Variants in CNTN4 observed in about 807,000 individuals in gnomAD.
CNTN4 encodes the protein contactin 4.
Under a neutral mutation model 122.5 loss-of-function variants are expected in CNTN4, and 77 were observed. The observed-to-expected ratio is 0.63, with a 90% CI of 0.52 to 0.76. The LOEUF (loss-of-function observed/expected upper bound fraction) is 0.76, where lower values mean the gene tolerates loss of function less well. Ranked by LOEUF, CNTN4 falls within the 30% of genes least tolerant of loss-of-function variation. CNTN4 has a pLI of 0.00. For synonymous variants in CNTN4, 512 were observed against 447.0 expected (o/e 1.15, Z -1.83); for missense variants, 1,256 against 1,259.1 (o/e 1.00, Z 0.04).
chr3:2,678,739 C>G (rs1187958303), intron 4 of CNTN4, among the ~76,000 whole-genome samples: 5 of 152,058 alleles, frequency 3.3e-5, no homozygotes, highest in African/African-American at 9.7e-5. Flanking sequence ...AATGCCAGGC[C>G]CATGAGATAG....
intron 14 of CNTN4, among the ~76,000 whole-genome samples, chr3:3,022,839 G>A (rs548293878): frequency 6.6e-6 from 1 of 152,266 alleles, no homozygotes; most frequent in South Asian, 2.1e-4. Context: ...CCAACCACAA[G>A]TAGGAAAGTT....
At chr3:2,724,224 T>G (rs1356197898) in intron 4 of CNTN4, among the ~76,000 whole-genome samples, 4 of 152,148 alleles carry the variant, frequency 2.6e-5, no homozygotes, top group African/African-American at 9.7e-5. Flanking sequence ...CTAGTTTCAG[T>G]CAGTGGGTAA....
chr3:2,542,706 C>CT (rs1471677707), intron 3 of CNTN4, among the ~76,000 whole-genome samples: 1 of 152,072 alleles, frequency 6.6e-6, no homozygotes, highest in Non-Finnish European at 1.5e-5. Flanking sequence ...CTTTGTGGTA[C>CT]TTTCTCTTCT....
At chr3:2,189,512 A>G (rs887307792) in intron 2 of CNTN4, among the ~76,000 whole-genome samples, 1 of 152,196 alleles carries the variant, frequency 6.6e-6, no homozygotes. Context: ...TGTCAGATAA[A>G]TGAATCAGTT....
intron 2 of CNTN4, among the ~76,000 whole-genome samples, chr3:2,120,395 ATATATATATATTTTTTTTTT>A (rs2033676944): frequency 3.3e-5 from 1 of 30,656 alleles, no homozygotes. Context: ...ATATATATAT[ATATATATATATTTTTTTTTT>A]TTTTTTTATG....
At position 2,780,334 on chromosome 3, in the gene CNTN4, C is replaced by T. The variant is rs1195036683; in HGVS notation, c.358+34637C>T. Among the ~76,000 whole-genome samples, 4 of 152,114 alleles carry T rather than the reference C, an allele frequency of 2.6e-5. No individual in the cohort carries two copies. In the East Asian group the frequency reaches 7.7e-4, roughly 29 times the overall value. ...TAGGAGATCATGTGTGCCTGTTGGCCTCTGTGGAATGGATTCCTTGCCCTC... is the reference window on the plus strand; with the variant it reads ...TAGGAGATCATGTGTGCCTGTTGGCTTCTGTGGAATGGATTCCTTGCCCTC... On this transcript the variant is annotated intron_variant, in intron 6 of 24. Transcript: ENST00000418658.
chr3:2,523,617 GTTA>G (rs2077299615), intron 3 of CNTN4, among the ~76,000 whole-genome samples: 1 of 151,962 alleles, frequency 6.6e-6, no homozygotes. Flanking sequence ...CTTGAAAAAG[GTTA>G]CCCTCTGTAA....
intron 7 of CNTN4, among the ~76,000 whole-genome samples, chr3:2,827,941 A>G (rs1003452924): frequency 6.6e-5 from 10 of 152,188 alleles, no homozygotes; most frequent in African/African-American, 2.2e-4. Context: ...AGATTTTTAA[A>G]TGGTTACAAA....
At chr3:2,298,687 T>C (rs1276811976) in intron 2 of CNTN4, among the ~76,000 whole-genome samples, 2 of 152,192 alleles carry the variant, frequency 1.3e-5, no homozygotes, top group African/African-American at 4.8e-5. Flanking sequence ...AAGTATTGTG[T>C]ATGAAATATA....
chr3:2,558,219 G>C (rs956896504), intron 3 of CNTN4, among the ~76,000 whole-genome samples: 3 of 152,138 alleles, frequency 2.0e-5, no homozygotes, highest in African/African-American at 7.2e-5. Flanking sequence ...AGTATAGTAT[G>C]ATCACCAAAC....
At chr3:2,251,591 G>A (rs372353055) in intron 2 of CNTN4, among the ~76,000 whole-genome samples, 44 of 151,848 alleles carry the variant, frequency 2.9e-4, no homozygotes, top group African/African-American at 2.2e-4. Flanking sequence ...AGCCATTGCC[G>A]TTTCTGTATT....
intron 15 of CNTN4, among the ~76,000 whole-genome samples, chr3:3,028,871 C>G (rs1698945397): frequency 6.6e-6 from 1 of 151,956 alleles, no homozygotes; most frequent in South Asian, 2.1e-4. Context: ...TTTTTTCTAC[C>G]ACACTCAGAT....
intron 4 of CNTN4, chr3:2,629,724 T>A: frequency 3.1e-6 from 1 of 324,674 alleles, no homozygotes; most frequent in Non-Finnish European, 6.1e-6. Flanking sequence ...CGGTTGACTG[T>A]ATAATACGTG....
chr3:2,964,613 A>G (rs942833352), intron 13 of CNTN4, among the ~76,000 whole-genome samples: 1 of 152,198 alleles, frequency 6.6e-6, no homozygotes, highest in Non-Finnish European at 1.5e-5. Flanking sequence ...CATATGTGAC[A>G]TAGCTGCTGA....
intron 10 of CNTN4, among the ~76,000 whole-genome samples, chr3:2,896,816 A>T (rs77833320): frequency 5.9e-5 from 9 of 152,060 alleles, no homozygotes; most frequent in African/African-American, 2.2e-4. Flanking sequence ...TTCTTCAGCA[A>T]TGTCAGTGAA....
chr3:2,267,093 T>A (rs2041082356), intron 2 of CNTN4, among the ~76,000 whole-genome samples: 1 of 152,118 alleles, frequency 6.6e-6, no homozygotes, highest in Admixed American at 6.6e-5. Flanking sequence ...GAACTTCTAA[T>A]GAGTGAACCT....
chr3:2,281,967 C>T (rs1030746306), intron 2 of CNTN4, among the ~76,000 whole-genome samples: 3 of 152,034 alleles, frequency 2.0e-5, no homozygotes, highest in African/African-American at 7.2e-5. Flanking sequence ...TAACATTTCA[C>T]ATTTTCTCCA....
chr3:2,960,701 T>G (rs2094843951), intron 13 of CNTN4, among the ~76,000 whole-genome samples: 2 of 152,108 alleles, frequency 1.3e-5, no homozygotes. Context: ...ACATTAAATG[T>G]GTTAGTTGAA....
chr3:2,491,094 A>G (rs918337008), intron 3 of CNTN4, among the ~76,000 whole-genome samples: 5 of 152,210 alleles, frequency 3.3e-5, no homozygotes, highest in Non-Finnish European at 7.3e-5. Context: ...GCCTAAATCA[A>G]TCTGGAAAAC....
Sources: gnomAD v4.1 joint callset for allele counts (sites outside exome capture counted in the v4.1 genomes callset) on GRCh38, gnomAD v4.1.1 for gene constraint, MANE v1.5 for transcripts, NCBI Gene and HGNC (gene_info 2026-07-23, HGNC 2026-07-21) for gene names.